Variants in SOX6 observed in about 807,000 individuals in gnomAD.
SOX6 encodes the protein SRY-box transcription factor 6, also known as transcription factor SOX-6.
A neutral mutation model predicts 97.8 loss-of-function variants in SOX6; 11 were observed. The observed-to-expected ratio is 0.11, with a 90% CI of 0.07 to 0.19. SOX6 has a LOEUF of 0.19. Ranked by LOEUF, SOX6 falls within the 10% of genes least tolerant of loss-of-function variation. The probability of loss-of-function intolerance (pLI) is 1.00; values close to 1 mark genes in which losing one functional copy is unlikely to be tolerated. For missense variants in SOX6, 810 were observed against 1,039.5 expected, an observed-to-expected ratio of 0.78 and a Z score of 3.04; for synonymous variants, 360 against 371.4, an observed-to-expected ratio of 0.97 and a Z score of 0.35.
rs148917779 is a variant in SOX6, at chr11:16,602,878, G to A, written n.609+9203C>T. On this transcript the variant is annotated intron_variant and non_coding_transcript_variant, in intron 4 of 5. Coordinates refer to the SOX6 transcript ENST00000524520. Reference sequence around the variant, plus strand: ...CTCCACAAAAATACAAAAATTAGCTGGGCGTGGTGGCGTGTGCCTGTAATC... The same window carrying A: ...CTCCACAAAAATACAAAAATTAGCTAGGCGTGGTGGCGTGTGCCTGTAATC... 9.9e-5 allele frequency among the ~76,000 whole-genome samples: 15 copies of A among 152,226 alleles called. No homozygotes were observed. In the East Asian group the frequency reaches 2.9e-3, roughly 29 times the overall value.
intron 3 of SOX6, among the ~76,000 whole-genome samples, chr11:16,640,338 C>T (rs546186184): frequency 6.6e-6 from 1 of 152,106 alleles, no homozygotes; most frequent in Non-Finnish European, 1.5e-5. Flanking sequence ...ATTTTTGCAT[C>T]GATGTTCATC....
At chr11:16,490,616 CAGTAAT>C (rs1261336764) in intron 4 of SOX6, among the ~76,000 whole-genome samples, 2 of 151,822 alleles carry the variant, frequency 1.3e-5, no homozygotes, top group South Asian at 4.1e-4. Context: ...ATAATAGTAA[CAGTAAT>C]AGTAATGATT....
At chr11:16,427,440 A>T (rs1859167868) in intron 1 of SOX6, among the ~76,000 whole-genome samples, 2 of 151,606 alleles carry the variant, frequency 1.3e-5, no homozygotes, top group African/African-American at 2.4e-5. Context: ...TTAACTCGTC[A>T]TTTAACATTA....
chr11:16,044,600 C>T (rs1855771192), intron 12 of SOX6, among the ~76,000 whole-genome samples: 2 of 152,170 alleles, frequency 1.3e-5, no homozygotes, highest in Non-Finnish European at 1.5e-5. Flanking sequence ...TCCATTAGTG[C>T]TGTCCTTCAT....
At chr11:16,160,469 T>C (rs1006296574) in intron 6 of SOX6, among the ~76,000 whole-genome samples, 31 of 152,310 alleles carry the variant, frequency 2.0e-4, no homozygotes, top group African/African-American at 7.2e-4. Flanking sequence ...GGATAACACA[T>C]GCCCATATAT....
upstream of SOX6, among the ~76,000 whole-genome samples, chr11:16,479,350 C>T (rs938065116): frequency 1.3e-5 from 2 of 151,836 alleles, no homozygotes; most frequent in East Asian, 1.9e-4. Flanking sequence ...GCCAACATGG[C>T]GAAACCCTAT....
At chr11:16,246,080 A>C (rs1378369102) in intron 3 of SOX6, among the ~76,000 whole-genome samples, 1 of 151,050 alleles carries the variant, frequency 6.6e-6, no homozygotes, top group East Asian at 1.9e-4. Flanking sequence ...TTATTTCATT[A>C]TTTAAATGAT....
intron 13 of SOX6, among the ~76,000 whole-genome samples, chr11:16,010,080 A>AT (rs1854665755): frequency 6.9e-6 from 1 of 144,236 alleles, no homozygotes; most frequent in African/African-American, 2.6e-5. Context: ...TAAGCCGAAA[A>AT]TAAAAAAAAT....
intron 4 of SOX6, among the ~76,000 whole-genome samples, chr11:16,231,304 T>C (rs979379030): frequency 1.3e-5 from 2 of 151,724 alleles, no homozygotes; most frequent in African/African-American, 4.8e-5. Flanking sequence ...TGGACAAGTC[T>C]TTTAAAGAAA....
At chr11:16,540,342 T>A (rs575287679) in intron 4 of SOX6, among the ~76,000 whole-genome samples, 1 of 152,196 alleles carries the variant, frequency 6.6e-6, no homozygotes, top group South Asian at 2.1e-4. Context: ...GAGCTATCTA[T>A]GACAAACCCA....
At chr11:16,579,125 A>T (rs1848008365) in intron 4 of SOX6, among the ~76,000 whole-genome samples, 1 of 152,116 alleles carries the variant, frequency 6.6e-6, no homozygotes, top group African/African-American at 2.4e-5. Context: ...GCTTTTTAAT[A>T]CTTTCACTCA....
intron 4 of SOX6, among the ~76,000 whole-genome samples, chr11:16,548,744 A>T (rs1036974866): frequency 6.6e-6 from 1 of 152,202 alleles, no homozygotes; most frequent in Non-Finnish European, 1.5e-5. Flanking sequence ...GAATAAGTTC[A>T]AGAGACCTAT....
chr11:16,696,957 T>C (rs1056604263), intron 3 of SOX6, among the ~76,000 whole-genome samples: 2 of 149,818 alleles, frequency 1.3e-5, no homozygotes, highest in African/African-American at 5.0e-5. Context: ...CTTTATTAAC[T>C]AAGTTTATGA....
chr11:16,408,694 C>T (rs1590192120), intron 1 of SOX6: 2 of 151,940 alleles, frequency 1.3e-5, no homozygotes, highest in African/African-American at 4.8e-5. Context: ...GAAGCCACAC[C>T]TACCTCCGCA....
intron 3 of SOX6, among the ~76,000 whole-genome samples, chr11:16,642,217 GA>G (rs1388535878): frequency 6.6e-6 from 1 of 152,136 alleles, no homozygotes; most frequent in Non-Finnish European, 1.5e-5. Context: ...TTTTCTTTAA[GA>G]ATGTTGAATA....
intron 3 of SOX6, among the ~76,000 whole-genome samples, chr11:16,238,408 C>T (rs898715585): frequency 6.6e-6 from 1 of 151,846 alleles, no homozygotes. Context: ...AGGTTTCGGG[C>T]CAGGTAAGTC....
chr11:16,149,928 G>A (rs749800714), intron 6 of SOX6, among the ~76,000 whole-genome samples: 8 of 152,176 alleles, frequency 5.3e-5, no homozygotes, highest in Non-Finnish European at 1.2e-4. Flanking sequence ...CCAACTGGTT[G>A]TTTTGACTAC....
intron 6 of SOX6, among the ~76,000 whole-genome samples, chr11:16,151,310 T>C (rs1261919607): frequency 2.0e-5 from 3 of 152,130 alleles, no homozygotes; most frequent in Admixed American, 2.0e-4. Flanking sequence ...GTAACGAAAG[T>C]GATTAAGAAA....
intron 1 of SOX6, among the ~76,000 whole-genome samples, chr11:16,397,863 G>A (rs1858404256): frequency 6.6e-6 from 1 of 151,532 alleles, no homozygotes; most frequent in African/African-American, 2.4e-5. Context: ...CCAGTCCAGT[G>A]CATACCAGCC....
Sources: allele counts gnomAD v4.1 joint callset (sites outside exome capture counted in the v4.1 genomes callset), GRCh38; gene constraint gnomAD v4.1.1; transcripts MANE v1.5; gene names NCBI Gene and HGNC (gene_info 2026-07-23, HGNC 2026-07-21).